Variants in LRBA observed in about 807,000 individuals in gnomAD.
LRBA encodes LPS responsive beige-like anchor protein.
A neutral mutation model predicts 330.0 loss-of-function variants in LRBA; 176 were observed. The observed-to-expected ratio is 0.53, with a 90% CI of 0.47 to 0.60. LRBA has a LOEUF of 0.60. Among genes scored for constraint, LRBA ranks in the 20% least tolerant of loss-of-function variants. The pLI is 0.00. For missense variants in LRBA, 3,259 were observed against 3,444.8 expected (o/e 0.95, Z 1.35); for synonymous variants, 1,230 against 1,193.0 (o/e 1.03, Z -0.64).
intron 49 of LRBA, among the ~76,000 whole-genome samples, chr4:150,323,386 C>T (rs555379400): frequency 1.1e-4 from 17 of 152,274 alleles, no homozygotes; most frequent in Non-Finnish European, 2.2e-4. Flanking sequence ...AAAGGAAGTA[C>T]ATACATATTT....
chr4:150,602,559 A>G (rs1423877875), intron 37 of LRBA, among the ~76,000 whole-genome samples: 1 of 152,162 alleles, frequency 6.6e-6, no homozygotes, highest in Non-Finnish European at 1.5e-5. Flanking sequence ...TACTCTCAGT[A>G]TAACGCTCTA....
intron 35 of LRBA, among the ~76,000 whole-genome samples, chr4:150,753,573 T>C (rs1733850987): frequency 6.6e-6 from 1 of 152,190 alleles, no homozygotes. Context: ...AAGCATATTC[T>C]ACAGGCACGC....
At chr4:150,697,344 A>AAAAAAAAAAAAAAAAAAAAAAAAAAAC (rs1561527638) in intron 36 of LRBA, among the ~76,000 whole-genome samples, 1 of 148,740 alleles carries the variant, frequency 6.7e-6, no homozygotes, top group African/African-American at 2.5e-5. Context: ...AAAAAAAAAA[A>AAAAAAAAAAAAAAAAAAAAAAAAAAAC]AAAAAAACAG....
chr4:150,361,332 T>C lies in LRBA; in HGVS notation c.7195-11173A>G, dbSNP rs75720908. On this transcript the variant is annotated intron_variant, in intron 47 of 56. Transcript: ENST00000651943. ...TACATATGCAATATGAGGTCAACAATAGAGACTTCTTGCAAGAGTTAAATA... is the reference window on the plus strand; with the variant it reads ...TACATATGCAATATGAGGTCAACAACAGAGACTTCTTGCAAGAGTTAAATA... Among the ~76,000 whole-genome samples, 1,480 of 152,288 alleles carry C rather than the reference T, an allele frequency of 9.7e-3. 20 individuals carry two copies. The highest frequency in any genetic ancestry group is 0.034 in the African/African-American group (1,407 of 41,548).
chr4:150,457,936 TA>T (rs1334750393), intron 44 of LRBA, among the ~76,000 whole-genome samples: 1 of 151,982 alleles, frequency 6.6e-6, no homozygotes, highest in Non-Finnish European at 1.5e-5. Flanking sequence ...AATAAATACT[TA>T]ACTTTGAGAA....
At chr4:150,648,171 A>AAAAAAAAAAAAAAAAAAAAAC in intron 37 of LRBA, among the ~76,000 whole-genome samples, 1 of 144,792 alleles carries the variant, frequency 6.9e-6, no homozygotes, top group African/African-American at 2.5e-5. Flanking sequence ...AAAAAAAAAA[A>AAAAAAAAAAAAAAAAAAAAAC]AAAAAACTAG....
In LRBA at chr4:150,352,191, G is replaced by A. The variant is rs1737271430; in HGVS notation, c.7195-2032C>T. ...GCTGCTATGTTATAAGAGATCTGTT[G>A]GTTTTAAAACAAAACTGACCAACTT... is the stretch of plus-strand genomic sequence containing the variant. On this transcript the variant is annotated intron_variant, in intron 47 of 56. Transcript: ENST00000651943. Among the ~76,000 whole-genome samples, 4 of 152,194 alleles carry A rather than the reference G, an allele frequency of 2.6e-5. No homozygotes were observed. In the South Asian group the frequency reaches 8.3e-4, roughly 32 times the overall value.
At chr4:150,531,109 T>C (rs1343205207) in intron 40 of LRBA, among the ~76,000 whole-genome samples, 3 of 152,198 alleles carry the variant, frequency 2.0e-5, no homozygotes, top group African/African-American at 4.8e-5. Flanking sequence ...CCACCCACTT[T>C]AGAATGGAAG....
chr4:150,584,001 C>T (rs769158625), intron 40 of LRBA: 8 of 1,614,028 alleles, frequency 5.0e-6, no homozygotes, highest in African/African-American at 1.3e-5. Flanking sequence ...TGCCCAACCT[C>T]GACCTCTTTC....
chr4:150,580,912 G>C (rs553545014), intron 40 of LRBA: 1 of 152,894 alleles, frequency 6.5e-6, no homozygotes, highest in African/African-American at 2.4e-5. Context: ...TCTTTTAAAA[G>C]CAAGAGTCAA....
chr4:150,505,597 T>C (rs1281622253), intron 40 of LRBA, among the ~76,000 whole-genome samples: 1 of 152,114 alleles, frequency 6.6e-6, no homozygotes, highest in Non-Finnish European at 1.5e-5. Flanking sequence ...AGAGGGAAAT[T>C]TATAGCACTA....
intron 44 of LRBA, among the ~76,000 whole-genome samples, chr4:150,453,962 A>G (rs1753714653): frequency 6.6e-6 from 1 of 152,004 alleles, no homozygotes; most frequent in East Asian, 1.9e-4. Flanking sequence ...ACGATTTAAA[A>G]GTTTTTTTTT....
intron 46 of LRBA, among the ~76,000 whole-genome samples, chr4:150,424,455 TAAGAAAGATTAAC>T (rs1749271854): frequency 6.6e-6 from 1 of 152,178 alleles, no homozygotes; most frequent in Admixed American, 6.5e-5. Context: ...TATGTACATC[TAAGAAAGATTAAC>T]AAAAATAAGA....
intron 2 of LRBA, among the ~76,000 whole-genome samples, chr4:150,996,972 C>T (rs1250311212): frequency 1.3e-5 from 2 of 152,192 alleles, no homozygotes; most frequent in African/African-American, 4.8e-5. Context: ...CTCAGATATA[C>T]ACCCTGACTT....
chr4:150,953,914 G>A (rs1418016386), intron 2 of LRBA, among the ~76,000 whole-genome samples: 1 of 149,790 alleles, frequency 6.7e-6, no homozygotes, highest in Non-Finnish European at 1.5e-5. Context: ...TCTAGGAAGT[G>A]AGGAGCATCT....
In LRBA at chr4:150,672,557, T is replaced by G. The variant is rs188250614; in HGVS notation, c.5921+10994A>C. Among the ~76,000 whole-genome samples, 7 of 152,132 alleles carry G rather than the reference T, an allele frequency of 4.6e-5. No individual in the cohort carries two copies. The East Asian group carries it at 9.6e-4, about 21-fold the overall frequency. ...ATCCTTTAGTATTCTAAAGTTATTA[T>G]AATTTATTTTTTTTAATTTTTTGAT... is the stretch of plus-strand genomic sequence containing the variant. On this transcript the variant is annotated intron_variant, in intron 37 of 56. Transcript: ENST00000651943.
chr4:150,557,084 A>T (rs535208503), intron 40 of LRBA, among the ~76,000 whole-genome samples: 1 of 152,320 alleles, frequency 6.6e-6, no homozygotes, highest in East Asian at 1.9e-4. Context: ...GAGCTGCAGA[A>T]GGGAAGCTAC....
chr4:150,556,630 T>C (rs1767351598), intron 40 of LRBA, among the ~76,000 whole-genome samples: 1 of 152,244 alleles, frequency 6.6e-6, no homozygotes, highest in Non-Finnish European at 1.5e-5. Flanking sequence ...GTGAACCTTC[T>C]AACATTACAA....
intron 40 of LRBA, among the ~76,000 whole-genome samples, chr4:150,491,948 T>TA (rs1759001573): frequency 6.6e-6 from 1 of 152,048 alleles, no homozygotes; most frequent in Admixed American, 6.6e-5. Flanking sequence ...AAATTAAGTT[T>TA]AAAAAATTAA....
Sources: gnomAD v4.1 joint callset for allele counts (sites outside exome capture counted in the v4.1 genomes callset) on GRCh38, gnomAD v4.1.1 for gene constraint, MANE v1.5 for transcripts, NCBI Gene and HGNC (gene_info 2026-07-23, HGNC 2026-07-21) for gene names.